The following TMEM132B variants were observed in gnomAD, a reference collection of about 807,000 sequenced individuals.
TMEM132B encodes the protein transmembrane protein 132B.
A neutral mutation model predicts 90.8 loss-of-function variants in TMEM132B; 18 were observed. The observed-to-expected ratio is 0.20, with a 90% CI of 0.14 to 0.29. TMEM132B has a LOEUF of 0.29. Among genes scored for constraint, TMEM132B ranks in the 10% least tolerant of loss-of-function variants. TMEM132B has a pLI of 1.00. For synonymous variants in TMEM132B, 504 were observed against 523.3 expected, an observed-to-expected ratio of 0.96 and a Z score of 0.50; for missense variants, 1,096 against 1,326.8, an observed-to-expected ratio of 0.83 and a Z score of 2.70.
chr12:125,479,534 A>G (rs919044850), intron 3 of TMEM132B, among the ~76,000 whole-genome samples: 1 of 152,226 alleles, frequency 6.6e-6, no homozygotes, highest in African/African-American at 2.4e-5. Flanking sequence ...CATAATGGTA[A>G]AGGGAACAAT....
At chr12:125,299,275 C>T (rs1875753233) in intron 1 of TMEM132B, among the ~76,000 whole-genome samples, 1 of 152,178 alleles carries the variant, frequency 6.6e-6, no homozygotes, top group African/African-American at 2.4e-5. Flanking sequence ...CGGGTCTGTT[C>T]CTTTCTCCCT....
intron 1 of TMEM132B, among the ~76,000 whole-genome samples, chr12:125,293,482 T>C (rs1033612941): frequency 3.3e-5 from 5 of 152,172 alleles, no homozygotes; most frequent in Admixed American, 1.3e-4. Context: ...CCAGCGTCTA[T>C]TGTTTTCATC....
chr12:125,367,432 G>A (rs573624271), intron 2 of TMEM132B, among the ~76,000 whole-genome samples: 23 of 152,248 alleles, frequency 1.5e-4, no homozygotes, highest in African/African-American at 5.3e-4. Context: ...CTTTGAGACT[G>A]ATCTGCATAT....
intron 4 of TMEM132B, among the ~76,000 whole-genome samples, chr12:125,527,696 C>T (rs114162280): frequency 0.053 from 7,885 of 149,246 alleles, 618 homozygotes; most frequent in African/African-American, 0.17. Flanking sequence ...AACCACCCAG[C>T]CACCCTTCCA....
rs56258474 is a variant in TMEM132B at position 125,491,630 on chromosome 12, T to G, written c.1107-27809T>G. ...CTTCACTGTCTCAGATATGGCTTCCTGTACACCAGAGAACCCACTGTGGAG... is the reference window on the plus strand; with the variant it reads ...CTTCACTGTCTCAGATATGGCTTCCGGTACACCAGAGAACCCACTGTGGAG... On this transcript the variant is annotated intron_variant, in intron 3 of 8. Transcript: ENST00000682704. Among the ~76,000 whole-genome samples the G allele has an allele frequency of 7.9e-3, 1,209 of 152,370 alleles. 16 individuals are homozygous for G. The highest frequency in any genetic ancestry group is 0.028 in the African/African-American group (1,144 of 41,578).
At chr12:125,494,554 C>T in intron 3 of TMEM132B, among the ~76,000 whole-genome samples, 1 of 131,226 alleles carries the variant, frequency 7.6e-6, no homozygotes, top group Admixed American at 7.4e-5. Context: ...CCTCCTCCCT[C>T]TCCTCCCTGG....
At chr12:125,313,052 G>C (rs935731636) in intron 1 of TMEM132B, among the ~76,000 whole-genome samples, 9 of 152,278 alleles carry the variant, frequency 5.9e-5, no homozygotes, top group Admixed American at 2.6e-4. Context: ...GTGTGAGCTG[G>C]GAGTGCGAGT....
intron 1 of TMEM132B, among the ~76,000 whole-genome samples, chr12:125,302,721 A>G (rs1331336162): frequency 6.6e-6 from 1 of 152,348 alleles, no homozygotes; most frequent in East Asian, 1.9e-4. Context: ...GTAATTCAGT[A>G]GCATTAATTG....
At chr12:125,305,941 G>C (rs1156633157) in intron 1 of TMEM132B, among the ~76,000 whole-genome samples, 3 of 152,242 alleles carry the variant, frequency 2.0e-5, no homozygotes, top group Non-Finnish European at 4.4e-5. Context: ...TTTTTGGGTA[G>C]AGAAGGAGGA....
In TMEM132B at chr12:125,654,283, G is replaced by A. The variant is rs770071188; in HGVS notation, c.2825G>A (p.Gly942Asp). ...RHKRFAVSEQ[G>D]NIPHSHDWVW... ...AAAAGGTTTGCTGTGAGTGAGCAGG[G>A]CAACATCCCCCATTCCCACGACTGG... Residue 942 changes from glycine to aspartate, a missense_variant, in exon 9 of 9, where the codon GGC becomes GAC. Transcript: ENST00000682704. The surrounding 1 kb of genome is among the most constrained non-coding windows in gnomAD (Gnocchi z 5.8). 1.1e-5 allele frequency: 17 copies of A among 1,613,568 alleles called. No individual in the cohort carries two copies. The highest frequency in any genetic ancestry group is 2.7e-5 in the African/African-American group (2 of 75,042).
chr12:125,229,119 A>G (rs1205717664), intron 1 of TMEM132B, among the ~76,000 whole-genome samples: 1 of 152,204 alleles, frequency 6.6e-6, no homozygotes, highest in Admixed American at 6.5e-5. Context: ...TCTCTTAAGC[A>G]GCCTGGCCAC....
intron 1 of TMEM132B, among the ~76,000 whole-genome samples, chr12:125,306,976 G>A (rs960740439): frequency 6.6e-6 from 1 of 152,220 alleles, no homozygotes; most frequent in African/African-American, 2.4e-5. Flanking sequence ...TCCTGCCACA[G>A]GGACTTTGCA....
chr12:125,336,587 A>G (rs2136213608), intron 1 of TMEM132B, among the ~76,000 whole-genome samples: 1 of 152,348 alleles, frequency 6.6e-6, no homozygotes, highest in African/African-American at 2.4e-5. Context: ...GATGAAGGAG[A>G]AACAAGTCTG....
At chr12:125,575,403 T>A (rs1465441203) in intron 4 of TMEM132B, among the ~76,000 whole-genome samples, 3 of 151,992 alleles carry the variant, frequency 2.0e-5, no homozygotes, top group Non-Finnish European at 2.9e-5. Flanking sequence ...CCCTCATTTT[T>A]AATTTGGGTA....
chr12:125,467,177 C>T (rs955871906), intron 3 of TMEM132B, among the ~76,000 whole-genome samples: 2 of 152,102 alleles, frequency 1.3e-5, no homozygotes, highest in Admixed American at 6.6e-5. Flanking sequence ...GGCAGCCATC[C>T]TGCCTCCATG....
chr12:125,316,338 G>A (rs948844185), intron 1 of TMEM132B, among the ~76,000 whole-genome samples: 1 of 152,178 alleles, frequency 6.6e-6, no homozygotes, highest in African/African-American at 2.4e-5. Context: ...GGGGGCGGGA[G>A]CAGTGGCTGC....
At chr12:125,511,217 C>T (rs906942973) in intron 3 of TMEM132B, among the ~76,000 whole-genome samples, 1 of 152,140 alleles carries the variant, frequency 6.6e-6, no homozygotes, top group African/African-American at 2.4e-5. Context: ...ATTTGTATTG[C>T]AGCATTTCTC....
At chr12:125,260,155 T>C (rs1322064928) in intron 1 of TMEM132B, among the ~76,000 whole-genome samples, 2 of 152,206 alleles carry the variant, frequency 1.3e-5, no homozygotes, top group Non-Finnish European at 1.5e-5. Flanking sequence ...TATTTTGTTC[T>C]GTCATTTTGC....
chr12:125,645,977 G>T (rs1886755587), intron 6 of TMEM132B, among the ~76,000 whole-genome samples: 1 of 152,208 alleles, frequency 6.6e-6, no homozygotes, highest in Non-Finnish European at 1.5e-5. Flanking sequence ...ATTGTTAGTA[G>T]AAACGTGGGT....
Sources: gnomAD v4.1 joint callset for allele counts (sites outside exome capture counted in the v4.1 genomes callset) on GRCh38, gnomAD v4.1.1 for gene constraint, Gnocchi (gnomAD v3.1) non-coding constraint, MANE v1.5 for transcripts, NCBI Gene and HGNC (gene_info 2026-07-23, HGNC 2026-07-21) for gene names.